The following NXPH2 variants were observed in gnomAD, a reference collection of about 807,000 sequenced individuals.
NXPH2 encodes neurexophilin-2.
Under a neutral mutation model 19.8 loss-of-function variants are expected in NXPH2, and 5 were observed. The observed-to-expected ratio is 0.25, with a 90% CI of 0.13 to 0.53. The LOEUF is 0.53. Ranked by LOEUF, NXPH2 falls within the 20% of genes least tolerant of loss-of-function variation. The probability of loss-of-function intolerance (pLI) is 0.96; values close to 1 mark genes in which losing one functional copy is unlikely to be tolerated. For missense variants in NXPH2, 289 were observed against 322.8 expected (o/e 0.90, Z 0.80); for synonymous variants, 154 against 127.4 (o/e 1.21, Z -1.41).
At chr2:138,777,343 T>C (rs1018188765) in intron 1 of NXPH2, among the ~76,000 whole-genome samples, 1 of 152,134 alleles carries the variant, frequency 6.6e-6, no homozygotes, top group African/African-American at 2.4e-5. Flanking sequence ...AAAAAAGGAA[T>C]ATGTTCAAGA....
At chr2:138,722,842 A>G (rs1399492854) in intron 1 of NXPH2, among the ~76,000 whole-genome samples, 1 of 152,204 alleles carries the variant, frequency 6.6e-6, no homozygotes, top group Non-Finnish European at 1.5e-5. Context: ...ACTCAAAAAC[A>G]TCAGTTCTTT....
chr2:138,726,061 G>A (rs1287621715), intron 1 of NXPH2, among the ~76,000 whole-genome samples: 2 of 151,996 alleles, frequency 1.3e-5, no homozygotes, highest in Non-Finnish European at 2.9e-5. Context: ...TTTTTGTTTT[G>A]AGATGGAGTC....
intron 1 of NXPH2, among the ~76,000 whole-genome samples, chr2:138,705,939 A>G (rs1047908574): frequency 6.6e-6 from 1 of 152,238 alleles, no homozygotes; most frequent in African/African-American, 2.4e-5. Flanking sequence ...TCTGATTGTG[A>G]TCCTGTTCCT....
intron 1 of NXPH2, among the ~76,000 whole-genome samples, chr2:138,766,268 G>A (rs901967431): frequency 4.6e-5 from 7 of 152,134 alleles, no homozygotes; most frequent in African/African-American, 1.2e-4. Flanking sequence ...TGCTGACCCC[G>A]CTTCCTAACA....
intron 1 of NXPH2, among the ~76,000 whole-genome samples, chr2:138,694,332 T>G (rs2104977941): frequency 6.6e-6 from 1 of 152,330 alleles, no homozygotes; most frequent in South Asian, 2.1e-4. Context: ...ATCGTGACCT[T>G]ATTTGGAAAC....
At position 138,752,123 on chromosome 2, in the gene NXPH2, G is replaced by A. The variant is rs62163221; in HGVS notation, c.51+28068C>T. 6.3e-3 allele frequency among the ~76,000 whole-genome samples: 954 copies of A among 152,198 alleles called. 4 individuals are homozygous for A. The highest frequency in any genetic ancestry group is 0.01 in the Middle Eastern group (3 of 294). Reference sequence around the variant, plus strand: ...CCTCCTGTATCTAACAATGCGATAAGGCAATGTAAAGAGAGAAAGTCCACA... The same window carrying A: ...CCTCCTGTATCTAACAATGCGATAAAGCAATGTAAAGAGAGAAAGTCCACA... On this transcript the variant is annotated intron_variant, in intron 1 of 1. Transcript: ENST00000272641.
chr2:138,712,545 T>A (rs1681120411), intron 1 of NXPH2, among the ~76,000 whole-genome samples: 1 of 152,200 alleles, frequency 6.6e-6, no homozygotes, highest in African/African-American at 2.4e-5. Context: ...CAAGTGCAGT[T>A]CTGCTTCCCC....
In NXPH2 at chr2:138,669,598, A is replaced by T. The variant is rs892597897; in HGVS notation, c.*1324T>A. On this transcript the variant is annotated 3_prime_UTR_variant, in exon 2 of 2. Coordinates refer to ENST00000272641, the MANE Select transcript of NXPH2 (RefSeq NM_007226.3). ...TTTTACTTTAATTAATATTTTACAGATAAGAAGGGAGAAAGAAGTTAACAT... is the reference window on the plus strand; with the variant it reads ...TTTTACTTTAATTAATATTTTACAGTTAAGAAGGGAGAAAGAAGTTAACAT... 1.3e-5 allele frequency among the ~76,000 whole-genome samples: 2 copies of T among 152,156 alleles called. No individual in the cohort carries two copies. The highest frequency in any genetic ancestry group is 4.8e-5 in the African/African-American group (2 of 41,444).
At chr2:138,702,034 A>G (rs59954548) in intron 1 of NXPH2, among the ~76,000 whole-genome samples, 25 of 152,288 alleles carry the variant, frequency 1.6e-4, no homozygotes, top group African/African-American at 6.0e-4. Context: ...CACAGAGGCC[A>G]CTTTATCATT....
rs191004336 is a variant in NXPH2 at position 138,711,212 on chromosome 2, C to T, written c.52-39547G>A. ...CTGGAGTGCAATGGCGCCATCTTGG[C>T]TCACTGCAACCTCCATCTCCCAGGT... On this transcript the variant is annotated intron_variant, in intron 1 of 1. Coordinates refer to ENST00000272641, the MANE Select transcript of NXPH2 (RefSeq NM_007226.3). Among the ~76,000 whole-genome samples, 176 of 136,132 alleles carry T rather than the reference C, an allele frequency of 1.3e-3. 1 individual carries two copies. Among genetic ancestry groups the T allele is most frequent in the African/African-American group, 4.6e-3 (170 of 36,748 alleles). The allele number at this position is 136,132 out of a possible 152,430, so 89.3% of individuals were successfully genotyped here.
chr2:138,743,068 GA>G (rs1418921643), intron 1 of NXPH2, among the ~76,000 whole-genome samples: 7 of 152,046 alleles, frequency 4.6e-5, no homozygotes, highest in Admixed American at 2.6e-4. Flanking sequence ...ACATTTCAAA[GA>G]AAAAAATAGC....
intron 1 of NXPH2, among the ~76,000 whole-genome samples, chr2:138,754,153 T>G (rs1186799619): frequency 1.3e-5 from 2 of 152,200 alleles, no homozygotes; most frequent in Non-Finnish European, 2.9e-5. Context: ...TTGTCATATT[T>G]TGTATTTCAT....
intron 1 of NXPH2, among the ~76,000 whole-genome samples, chr2:138,778,346 T>C (rs562168906): frequency 6.6e-6 from 1 of 152,164 alleles, no homozygotes; most frequent in Non-Finnish European, 1.5e-5. Flanking sequence ...TAAGCTTTTT[T>C]AAAAGCAAAT....
At chr2:138,702,333 C>T (rs1475180169) in intron 1 of NXPH2, among the ~76,000 whole-genome samples, 1 of 152,114 alleles carries the variant, frequency 6.6e-6, no homozygotes. Flanking sequence ...TTTGCCCAGG[C>T]TAGTCTTGAA....
intron 1 of NXPH2, 50 bp downstream of exon 1, chr2:138,780,141 G>T: frequency 6.8e-7 from 1 of 1,463,894 alleles, no homozygotes; most frequent in Non-Finnish European, 9.0e-7. Flanking sequence ...CGGTTTTCCC[G>T]CCGAAACGCG....
At chr2:138,674,447 C>T (rs191485246) in intron 1 of NXPH2, among the ~76,000 whole-genome samples, 7 of 152,080 alleles carry the variant, frequency 4.6e-5, no homozygotes, top group African/African-American at 9.7e-5. Flanking sequence ...AGCCACTGCT[C>T]GGCTTAATTT....
At chr2:138,698,294 G>A (rs1680859704) in intron 1 of NXPH2, among the ~76,000 whole-genome samples, 1 of 152,042 alleles carries the variant, frequency 6.6e-6, no homozygotes, top group South Asian at 2.1e-4. Flanking sequence ...GGTTAAAATA[G>A]TTACGAAATT....
intron 1 of NXPH2, among the ~76,000 whole-genome samples, chr2:138,776,720 G>A (rs1197526522): frequency 6.6e-6 from 1 of 151,760 alleles, no homozygotes; most frequent in Non-Finnish European, 1.5e-5. Context: ...GCTGTATGAG[G>A]AAAGTTGTCA....
intron 1 of NXPH2, among the ~76,000 whole-genome samples, chr2:138,773,441 T>C (rs1682208815): frequency 6.6e-6 from 1 of 152,182 alleles, no homozygotes; most frequent in Non-Finnish European, 1.5e-5. Flanking sequence ...TAGTCGTTTA[T>C]TGTATGCATT....
Sources: allele counts gnomAD v4.1 joint callset (sites outside exome capture counted in the v4.1 genomes callset), GRCh38; gene constraint gnomAD v4.1.1; transcripts MANE v1.5; gene names NCBI Gene and HGNC (gene_info 2026-07-23, HGNC 2026-07-21).